Variants in RLF observed in about 807,000 individuals in gnomAD.
The protein encoded by RLF is zinc finger protein Rlf.
In RLF, 7 loss-of-function variants were observed where a neutral mutation model predicts 162.9. The ratio of observed to expected loss-of-function variants is 0.04; its 90% CI spans 0.02 to 0.08. RLF has a LOEUF of 0.08. RLF is among the 10% of genes least tolerant of loss of function. The pLI, the probability that RLF is intolerant of heterozygous loss-of-function variation, is 1.00. For missense variants in RLF, 1,664 were observed against 2,244.7 expected, an observed-to-expected ratio of 0.74 and a Z score of 5.23; for synonymous variants, 782 against 791.5, an observed-to-expected ratio of 0.99 and a Z score of 0.20.
chr1:40,174,370 C>CA (rs57362681), intron 1 of RLF, among the ~76,000 whole-genome samples: 8,428 of 128,200 alleles, frequency 0.066, 626 homozygotes, highest in African/African-American at 0.2. Context: ...GACTCTGTCT[C>CA]AAAAAAAAAA....
At chr1:40,206,679 C>T (rs1380224096) in intron 5 of RLF, among the ~76,000 whole-genome samples, 5 of 152,194 alleles carry the variant, frequency 3.3e-5, no homozygotes, top group Non-Finnish European at 7.3e-5. Context: ...GCCCTGGCTA[C>T]TTTTCTAACG....
chr1:40,219,961 T>G (rs1325210961), intron 5 of RLF, among the ~76,000 whole-genome samples: 3 of 152,110 alleles, frequency 2.0e-5, no homozygotes, highest in Non-Finnish European at 4.4e-5. Flanking sequence ...AAAACAGAAG[T>G]ACTGGCCAGG....
At chr1:40,197,310 G>A (rs191810711) in intron 4 of RLF, among the ~76,000 whole-genome samples, 4 of 152,262 alleles carry the variant, frequency 2.6e-5, no homozygotes, top group East Asian at 3.9e-4. Context: ...CTCAATAAAC[G>A]GCATCCCCTT....
intron 1 of RLF, among the ~76,000 whole-genome samples, chr1:40,162,795 C>T (rs1642113792): frequency 6.6e-6 from 1 of 152,178 alleles, no homozygotes; most frequent in Non-Finnish European, 1.5e-5. Flanking sequence ...GTGTGTACAA[C>T]CTGCAACATT....
At position 40,237,317 on chromosome 1, in the gene RLF, G is replaced by T; in HGVS notation, c.2615G>T (p.Cys872Phe). 7 of 1,613,970 alleles carry T rather than the reference G, an allele frequency of 4.3e-6. No homozygotes were observed. The highest frequency in any genetic ancestry group is 5.9e-6 in the Non-Finnish European group (7 of 1,179,976). Residue 872 changes from cysteine to phenylalanine, a missense_variant, in exon 8 of 8, where the codon TGT becomes TTT. Coordinates refer to ENST00000372771, the MANE Select transcript of RLF (RefSeq NM_012421.4). The surrounding 1 kb of genome is among the most constrained non-coding windows in gnomAD (Gnocchi z 4.4). The part of the protein sequence containing the change: ...DKSHLPEDLF[C>F]AESANSQIDT... ...TCACATTTACCTGAAGATCTTTTCT[G>T]TGCAGAATCAGCTAATTCTCAAATA...
intron 1 of RLF, among the ~76,000 whole-genome samples, chr1:40,166,461 A>G (rs925488590): frequency 6.6e-6 from 1 of 152,130 alleles, no homozygotes; most frequent in Non-Finnish European, 1.5e-5. Context: ...ATCTAGAACT[A>G]GAAATATAGA....
intron 2 of RLF, 134 bp from the exon 3 acceptor site, chr1:40,190,638 C>CT (rs1240059284): frequency 3.5e-6 from 2 of 567,690 alleles, no homozygotes; most frequent in East Asian, 6.3e-5. Flanking sequence ...TATAACAACT[C>CT]TGAAGCAAAT....
At position 40,222,681 on chromosome 1, in the gene RLF, G is replaced by A. The variant is rs1557756783; in HGVS notation, c.918G>A (p.Gln306=). 1 of 1,613,252 alleles carries A rather than the reference G, an allele frequency of 6.2e-7. No homozygotes were observed. Among genetic ancestry groups the A allele is most frequent in the Non-Finnish European group, 8.5e-7 (1 of 1,179,788 alleles). Residue 306 remains glutamine, a synonymous_variant, in exon 6 of 8, where the codon CAG becomes CAA. Transcript: ENST00000372771. ...FVLCTTYLTQ[Q]LQTASVYCSW... is the part of the protein sequence containing the mutation. ...TTTGTACGACTTACCTTACCCAGCA[G>A]CTCCAAACTGCAAGTGTATATTGTT... is the stretch of plus-strand genomic sequence containing the variant.
chr1:40,233,999 C>T (rs1236364052), intron 7 of RLF, among the ~76,000 whole-genome samples: 1 of 152,192 alleles, frequency 6.6e-6, no homozygotes, highest in Admixed American at 6.5e-5. Context: ...CCCAGGCTGG[C>T]ATGCAGTGGC....
chr1:40,178,476 G>A (rs1029349235), intron 1 of RLF, among the ~76,000 whole-genome samples: 8 of 152,046 alleles, frequency 5.3e-5, no homozygotes, highest in Non-Finnish European at 1.0e-4. Flanking sequence ...GTGGGTAGAC[G>A]TTCGAGTGGC....
At chr1:40,164,575 A>G (rs560792828) in intron 1 of RLF, among the ~76,000 whole-genome samples, 13 of 152,304 alleles carry the variant, frequency 8.5e-5, no homozygotes, top group African/African-American at 2.9e-4. Flanking sequence ...AACCACTGCC[A>G]GACAGTGTGG....
chr1:40,193,026 A>G (rs919747869), intron 3 of RLF, among the ~76,000 whole-genome samples: 18 of 146,688 alleles, frequency 1.2e-4, no homozygotes, highest in African/African-American at 4.5e-4. Flanking sequence ...ATCACCTAGA[A>G]TTCTGTTTTG....
chr1:40,173,719 T>G (rs1254576911), intron 1 of RLF, among the ~76,000 whole-genome samples: 1 of 152,166 alleles, frequency 6.6e-6, no homozygotes, highest in African/African-American at 2.4e-5. Flanking sequence ...TTTGCCATGT[T>G]GGCCAGGCTG....
In RLF at chr1:40,182,791, AGAGT is replaced by A. The variant is rs1557741402; in HGVS notation, c.238-6263_238-6260del. Among the ~76,000 whole-genome samples the A allele has an allele frequency of 7.4e-5, 11 of 147,784 alleles. 1 individual carries two copies. The highest frequency in any genetic ancestry group is 2.1e-4 in the Admixed American group (3 of 14,604). ...TAGATAGATAGATAGATAGATAGATAGAGTAATAAGTTAGTCATATCACTGGCTT... is the reference window on the plus strand; with the variant it reads ...TAGATAGATAGATAGATAGATAGATAAATAAGTTAGTCATATCACTGGCTT... On this transcript the variant is annotated intron_variant, in intron 1 of 7. Coordinates refer to ENST00000372771, the MANE Select transcript of RLF (RefSeq NM_012421.4).
intron 5 of RLF, among the ~76,000 whole-genome samples, chr1:40,209,218 G>C (rs756259486): frequency 6.6e-6 from 1 of 152,202 alleles, no homozygotes; most frequent in African/African-American, 2.4e-5. Flanking sequence ...GACATCTAGA[G>C]AAGTGAAAGC....
In RLF at chr1:40,239,594, A is replaced by C. The variant is rs932913349; in HGVS notation, c.4892A>C (p.Asp1631Ala). The change falls in exon 8 of 8, where the codon GAC becomes GCC. Residue 1631 changes from aspartate (D) to alanine (A), a missense_variant. By Grantham distance (126) the Asp-to-Ala change is moderately radical. Around this residue, in one of 15 missense-constraint regions of RLF, gnomAD observed 327 missense variants for 342.7 expected, o/e 0.95. Coordinates refer to ENST00000372771, the MANE Select transcript of RLF (RefSeq NM_012421.4). ...ACAGAACACAGCCATTCCCCGGGTG[A>C]CAGTAGTGCACCCATCCAGAACACT... is the stretch of plus-strand genomic sequence containing the variant. ...ERTEHSHSPG[D>A]SSAPIQNTDC... The C allele has an allele frequency of 6.2e-7, 1 of 1,614,040 alleles. No individual in the cohort carries two copies. Among genetic ancestry groups the C allele is most frequent in the African/African-American group, 1.3e-5 (1 of 74,948 alleles).
intron 1 of RLF, among the ~76,000 whole-genome samples, chr1:40,172,845 C>A (rs188162762): frequency 6.6e-6 from 1 of 151,996 alleles, no homozygotes; most frequent in Non-Finnish European, 1.5e-5. Flanking sequence ...GGCAACAGAG[C>A]GAGACACTGA....
chr1:40,194,998 TA>T (rs113577485), intron 3 of RLF, among the ~76,000 whole-genome samples: 69,371 of 150,550 alleles, frequency 0.46, 18,397 homozygotes, highest in Middle Eastern at 0.59. Context: ...CACGCCCGGC[TA>T]ATTTTTTGTA....
At chr1:40,183,741 TA>T (rs879790689) in intron 1 of RLF, among the ~76,000 whole-genome samples, 1,654 of 144,750 alleles carry the variant, frequency 0.011, 12 homozygotes, top group African/African-American at 0.026. Flanking sequence ...TTTCCTCATT[TA>T]AAAAAAAAAA....
Sources: gnomAD v4.1 joint callset for allele counts (sites outside exome capture counted in the v4.1 genomes callset) on GRCh38, gnomAD v4.1.1 for gene constraint, gnomAD v4.1.1 regional missense constraint, Gnocchi (gnomAD v3.1) non-coding constraint, MANE v1.5 for transcripts, NCBI Gene and HGNC (gene_info 2026-07-23, HGNC 2026-07-21) for gene names.